The following PGM5 variants were observed in gnomAD, a reference collection of about 807,000 sequenced individuals.
PGM5 encodes phosphoglucomutase 5, also known as phosphoglucomutase-like protein 5.
PGM5 carries 23 observed loss-of-function variants against 59.2 expected under a neutral mutation model. The ratio of observed to expected loss-of-function variants is 0.39; its 90% CI spans 0.28 to 0.55. The LOEUF is 0.55. Among genes scored for constraint, PGM5 ranks in the 20% least tolerant of loss-of-function variants. The pLI, the probability that PGM5 is intolerant of heterozygous loss-of-function variation, is 0.66. For missense variants in PGM5, 574 were observed against 748.3 expected (o/e 0.77, Z 2.72); for synonymous variants, 214 against 286.0 (o/e 0.75, Z 2.54).
At chr9:68,522,470 G>A (rs543264047) in intron 10 of PGM5, among the ~76,000 whole-genome samples, 11 of 152,296 alleles carry the variant, frequency 7.2e-5, no homozygotes, top group East Asian at 5.8e-4. Flanking sequence ...AGAGGGACCT[G>A]CTCCTAGCAG....
chr9:68,509,565 C>T (rs541805115), intron 10 of PGM5, among the ~76,000 whole-genome samples: 5 of 152,274 alleles, frequency 3.3e-5, no homozygotes, highest in East Asian at 1.9e-4. Context: ...TTGTTACTCA[C>T]AGTTCCCAAG....
chr9:68,357,157 A>T lies in PGM5; in HGVS notation c.30A>T (p.Thr10=). The change falls in exon 1 of 11, where the codon ACA becomes ACT. Residue 10 remains threonine (T), a synonymous_variant. Coordinates refer to ENST00000396396, the MANE Select transcript of PGM5 (RefSeq NM_021965.4). MEGSPIPVL[T]VPTAPYEDQR... is the part of the protein sequence containing the mutation. Reference sequence around the variant, plus strand: ...AGGGGAGCCCCATCCCGGTGCTGACAGTGCCCACCGCGCCCTACGAGGACC... The same window carrying T: ...AGGGGAGCCCCATCCCGGTGCTGACTGTGCCCACCGCGCCCTACGAGGACC... The T allele has an allele frequency of 6.5e-7, 1 of 1,534,448 alleles. No individual in the cohort carries two copies. Among genetic ancestry groups the T allele is most frequent in the South Asian group, 1.2e-5 (1 of 83,706 alleles).
intron 3 of PGM5, among the ~76,000 whole-genome samples, chr9:68,385,926 T>C (rs1464644564): frequency 2.6e-5 from 4 of 151,912 alleles, no homozygotes; most frequent in African/African-American, 9.7e-5. Context: ...TGTGCTGTAT[T>C]CTTGCTGGTT....
chr9:68,475,184 ATT>A (rs782687667), intron 7 of PGM5, among the ~76,000 whole-genome samples: 5 of 112,756 alleles, frequency 4.4e-5, no homozygotes, highest in Admixed American at 9.5e-5. Flanking sequence ...TGCCTGGCTA[ATT>A]TTTTTTTTTT....
At chr9:68,526,397 C>G (rs547279739) in intron 10 of PGM5, among the ~76,000 whole-genome samples, 16 of 152,340 alleles carry the variant, frequency 1.1e-4, no homozygotes, top group African/African-American at 3.8e-4. Flanking sequence ...ATAAGCACCA[C>G]GGAAGCCCTC....
chr9:68,487,681 TA>T (rs34771779), intron 9 of PGM5, among the ~76,000 whole-genome samples: 4 of 151,052 alleles, frequency 2.6e-5, no homozygotes, highest in East Asian at 3.9e-4. Context: ...TCTACTTACT[TA>T]AAAAAAAAGT....
intron 4 of PGM5, among the ~76,000 whole-genome samples, chr9:68,388,602 A>G (rs541762872): frequency 7.4e-4 from 113 of 152,174 alleles, no homozygotes; most frequent in African/African-American, 2.7e-3. Flanking sequence ...TCAGTGAGAG[A>G]AAGCTCATGG....
rs1834455289 is a variant in PGM5 at position 68,356,942 on chromosome 9, C to T, written c.-186C>T. On this transcript the variant is annotated 5_prime_UTR_variant, in exon 1 of 11. Transcript: ENST00000396396. ...CTGCCGAGAGAGTCAGCCGAGCGGC[C>T]GCGCGGAGAGGAGGGGCGGGCGGTC... is the stretch of plus-strand genomic sequence containing the variant. 1 of 491,906 alleles carries T rather than the reference C, an allele frequency of 2.0e-6. No homozygotes were observed. The highest frequency in any genetic ancestry group is 3.4e-6 in the Non-Finnish European group (1 of 295,780). The allele number at this position is 491,906 out of a possible 1,614,324, so 30.5% of individuals were successfully genotyped here. A position where few individuals can be genotyped will look rare whatever the true frequency, so the allele number is the denominator to read the frequency against.
At chr9:68,403,238 C>T (rs265109) in intron 6 of PGM5, among the ~76,000 whole-genome samples, 148,490 of 152,206 alleles carry the variant, frequency 0.98, 72,558 homozygotes, top group East Asian at 1. Flanking sequence ...ATGCTCCTTG[C>T]GAGAATCTAA....
intron 10 of PGM5, among the ~76,000 whole-genome samples, chr9:68,520,254 G>A (rs1824882601): frequency 6.6e-6 from 1 of 151,702 alleles, no homozygotes; most frequent in African/African-American, 2.4e-5. Flanking sequence ...CAAAAGCATT[G>A]CTAAAGATAA....
intron 10 of PGM5, among the ~76,000 whole-genome samples, chr9:68,518,599 A>G (rs1824855834): frequency 6.6e-6 from 1 of 152,258 alleles, no homozygotes; most frequent in African/African-American, 2.4e-5. Context: ...GCTGAGAAAG[A>G]TAACCAAAAT....
chr9:68,398,794 C>T (rs1306908566), intron 6 of PGM5: 1 of 152,150 alleles, frequency 6.6e-6, no homozygotes, highest in African/African-American at 2.4e-5. Context: ...TTGCTTATTT[C>T]TACTTGCTTA....
intron 6 of PGM5, chr9:68,429,327 T>C (rs75870322): frequency 6.6e-6 from 1 of 152,200 alleles, no homozygotes; most frequent in South Asian, 2.1e-4. Context: ...TCACTTTTTT[T>C]CTGCATTGCT....
At position 68,356,857 on chromosome 9, in the gene PGM5, G is replaced by A. The variant is rs1361146465; in HGVS notation, c.-271G>A. The A allele has an allele frequency of 4.4e-5, 17 of 384,368 alleles. No homozygotes were observed. 23.8% of individuals were successfully genotyped at this position (384,368 alleles called of 1,614,324 possible). On this transcript the variant is annotated 5_prime_UTR_variant, in exon 1 of 11. Coordinates refer to ENST00000396396, the MANE Select transcript of PGM5 (RefSeq NM_021965.4). ...TGGGGAGAAACTGAGGGCAGCTCGG[G>A]CGGTCTGGCAGCGGAGAAGGTGGGT...
At chr9:68,423,782 T>C (rs889453234) in intron 6 of PGM5, among the ~76,000 whole-genome samples, 3 of 152,092 alleles carry the variant, frequency 2.0e-5, no homozygotes, top group Non-Finnish European at 4.4e-5. Flanking sequence ...TACACCATGT[T>C]CCTCTGCATG....
intron 6 of PGM5, chr9:68,428,501 T>A (rs1407931082): frequency 1.3e-5 from 2 of 152,224 alleles, no homozygotes; most frequent in Admixed American, 6.5e-5. Flanking sequence ...GTCTGTTTTT[T>A]CTTTGCCTCT....
In PGM5 at chr9:68,363,777, G is replaced by A. The variant is rs1203969388; in HGVS notation, c.261+6389G>A. On this transcript the variant is annotated intron_variant, in intron 1 of 10. Coordinates refer to ENST00000396396, the MANE Select transcript of PGM5 (RefSeq NM_021965.4). ...CACATACAAGTTGGAGGGCAGATGC[G>A]TTAGCCTCTTGAAATACCCAGAAAC... is the stretch of plus-strand genomic sequence containing the variant. 7.2e-5 allele frequency among the ~76,000 whole-genome samples: 11 copies of A among 152,410 alleles called. No homozygotes were observed. In the South Asian group the frequency reaches 8.3e-4, roughly 11 times the overall value.
intron 9 of PGM5, among the ~76,000 whole-genome samples, chr9:68,495,528 C>T (rs1452371781): frequency 6.6e-6 from 1 of 152,220 alleles, no homozygotes; most frequent in African/African-American, 2.4e-5. Flanking sequence ...GAGCTTCATA[C>T]AGCCTCTAAC....
At chr9:68,371,939 G>A (rs1347405570) in intron 1 of PGM5, among the ~76,000 whole-genome samples, 63 of 152,296 alleles carry the variant, frequency 4.1e-4, no homozygotes, top group African/African-American at 1.1e-3. Context: ...ACTGGAAGAG[G>A]CAAGGGAGGA....
Sources: gnomAD v4.1 joint callset for allele counts (sites outside exome capture counted in the v4.1 genomes callset) on GRCh38, gnomAD v4.1.1 for gene constraint, MANE v1.5 for transcripts, NCBI Gene and HGNC (gene_info 2026-07-23, HGNC 2026-07-21) for gene names.